The following CDC14A variants were observed in gnomAD, a reference collection of about 807,000 sequenced individuals.
CDC14A encodes the protein dual specificity protein phosphatase CDC14A.
In CDC14A, 53 loss-of-function variants were observed where a neutral mutation model predicts 74.4. That is an observed-to-expected ratio of 0.71 (90% CI 0.57 to 0.89). The LOEUF is 0.89. Ranked by LOEUF, CDC14A falls within the 40% of genes least tolerant of loss-of-function variation. CDC14A has a pLI of 0.00. For missense variants in CDC14A, 646 were observed against 713.7 expected, an observed-to-expected ratio of 0.91 and a Z score of 1.08; for synonymous variants, 247 against 258.4, an observed-to-expected ratio of 0.96 and a Z score of 0.43.
intron 7 of CDC14A, among the ~76,000 whole-genome samples, chr1:100,445,140 T>A (rs531746029): frequency 6.6e-6 from 1 of 152,336 alleles, no homozygotes; most frequent in South Asian, 2.1e-4. Context: ...ATGATTTCTA[T>A]AATGTTTGTT....
intron 4 of CDC14A, among the ~76,000 whole-genome samples, chr1:100,404,832 A>AAAAACAAAAC (rs368610741): frequency 6.6e-5 from 8 of 121,686 alleles, no homozygotes; most frequent in South Asian, 2.4e-4. Flanking sequence ...TCCGTCTCAA[A>AAAAACAAAAC]AAAACAAAAC....
intron 11 of CDC14A, among the ~76,000 whole-genome samples, chr1:100,489,564 C>T (rs1670405954): frequency 1.4e-5 from 2 of 143,196 alleles, no homozygotes; most frequent in African/African-American, 5.1e-5. Flanking sequence ...TTTGTTCTTT[C>T]ACTAGGTCAT....
At position 100,466,871 on chromosome 1, in the gene CDC14A, CAAA is replaced by C. The variant is rs11382441; in HGVS notation, c.839-1068_839-1066del. ...GGCAACAGCAGCAAAACTCGGTCTC[CAAA>C]AAAAAAAAAAAAAAAAGAAGGGTTA... On this transcript the variant is annotated intron_variant, in intron 9 of 15. Transcript: ENST00000336454. Among the ~76,000 whole-genome samples the C allele has an allele frequency of 1.3e-4, 11 of 87,296 alleles. No individual in the cohort carries two copies. The East Asian group carries it at 1.4e-3, about 11-fold the overall frequency. The allele number at this position is 87,296 out of a possible 152,430, so 57.3% of individuals were successfully genotyped here. A position where few individuals can be genotyped will look rare whatever the true frequency, so the allele number is the denominator to read the frequency against.
chr1:100,510,216 A>G (rs1289856951), intron 15 of CDC14A, among the ~76,000 whole-genome samples: 15 of 152,140 alleles, frequency 9.9e-5, no homozygotes, highest in Non-Finnish European at 8.8e-5. Flanking sequence ...TTTTCTAATC[A>G]TTGTCATCAT....
At chr1:100,351,591 C>T, upstream of CDC14A, 1 of 637,402 alleles carries the variant, frequency 1.6e-6, no homozygotes, top group Admixed American at 2.9e-5. Context: ...AACCTTCCTC[C>T]TTGGACCAGT....
intron 7 of CDC14A, among the ~76,000 whole-genome samples, 182 bp from the exon 8 acceptor site, chr1:100,455,223 C>T (rs906947579): frequency 3.9e-5 from 6 of 152,074 alleles, no homozygotes; most frequent in Non-Finnish European, 8.8e-5. Flanking sequence ...TTTTCTAAAG[C>T]GGATTGAATT....
chr1:100,504,414 C>G (rs1649054044), intron 15 of CDC14A, among the ~76,000 whole-genome samples: 1 of 152,094 alleles, frequency 6.6e-6, no homozygotes. Flanking sequence ...TGTCTCTTTC[C>G]ACCTTTAATT....
rs563965787 is a variant in CDC14A, at chr1:100,357,876, G to A, written c.140+4024G>A. Among the ~76,000 whole-genome samples the A allele has an allele frequency of 5.2e-3, 791 of 152,242 alleles. 6 individuals are homozygous for A. Among genetic ancestry groups the A allele is most frequent in the African/African-American group, 0.018 (758 of 41,520 alleles). On this transcript the variant is annotated intron_variant, in intron 2 of 15. Transcript: ENST00000336454. The stretch of plus-strand genomic sequence containing the variant: ...GATATTCTGGCCACAGCTGTGTTTT[G>A]CGCAGATGTTTCTTTAGTTATGAAA...
At chr1:100,422,788 ATTTATTT>A (rs908554667) in intron 4 of CDC14A, among the ~76,000 whole-genome samples, 15 of 152,126 alleles carry the variant, frequency 9.9e-5, no homozygotes, top group Non-Finnish European at 2.1e-4. Context: ...TTTTTAATCT[ATTTATTT>A]TATTTTTCTT....
At chr1:100,489,901 C>G (rs551284590) in intron 11 of CDC14A, among the ~76,000 whole-genome samples, 1 of 152,270 alleles carries the variant, frequency 6.6e-6, no homozygotes, top group South Asian at 2.1e-4. Context: ...AGAGTCTGCT[C>G]TGGCATTTTG....
intron 3 of CDC14A, 141 bp downstream of exon 3, chr1:100,377,762 T>G (rs906300042): frequency 4.6e-5 from 28 of 602,236 alleles, no homozygotes; most frequent in Admixed American, 4.4e-4. Flanking sequence ...ACCTAGAGTT[T>G]GAAAGTGATC....
In CDC14A at chr1:100,455,498, T is replaced by G. The variant is rs1328450165; in HGVS notation, c.607+6T>G. On this transcript the variant is annotated splice_donor_region_variant and intron_variant, in intron 8 of 15. Coordinates refer to ENST00000336454, the MANE Select transcript of CDC14A (RefSeq NM_003672.4). ...TAAAAGCAAAATTGAGAATGGTAGG[T>G]TTTTTTTTCCTTTACCATCCAAACA... The G allele has an allele frequency of 1.8e-5, 27 of 1,515,050 alleles. No individual in the cohort carries two copies. Among genetic ancestry groups the G allele is most frequent in the Non-Finnish European group, 2.3e-5 (26 of 1,111,158 alleles). 93.9% of individuals were successfully genotyped at this position (1,515,050 alleles called of 1,614,324 possible).
intron 7 of CDC14A, among the ~76,000 whole-genome samples, chr1:100,446,367 T>A (rs1665542260): frequency 1.3e-5 from 2 of 152,200 alleles, no homozygotes; most frequent in Admixed American, 1.3e-4. Context: ...TTATAAATGC[T>A]TCTAGTGATG....
chr1:100,435,350 A>G (rs189865791), intron 5 of CDC14A, among the ~76,000 whole-genome samples: 2 of 152,318 alleles, frequency 1.3e-5, no homozygotes, highest in African/African-American at 4.8e-5. Flanking sequence ...TGGGTTTAAA[A>G]TAAGTAAATC....
chr1:100,406,152 T>C (rs9727091), intron 4 of CDC14A, among the ~76,000 whole-genome samples: 53 of 152,360 alleles, frequency 3.5e-4, no homozygotes, highest in African/African-American at 1.2e-3. Flanking sequence ...TTTTTTCATA[T>C]GTTTGTTGGC....
At chr1:100,453,306 G>A (rs1363304944) in intron 7 of CDC14A, among the ~76,000 whole-genome samples, 4 of 152,104 alleles carry the variant, frequency 2.6e-5, no homozygotes, top group African/African-American at 4.8e-5. Context: ...ATTGCAGAGC[G>A]TATTTATCTA....
Position 100,484,982 on chromosome 1 carries a change from A to G in CDC14A, c.1137+531A>G, listed in dbSNP as rs115415648. On this transcript the variant is annotated intron_variant, in intron 11 of 15. Transcript: ENST00000336454. ...TGGTGAGTTAGGTAATACTATCTCT[A>G]TTTTATAGGAAGGAAATTGCATATC... is the stretch of plus-strand genomic sequence containing the variant. The G allele has an allele frequency of 1.4e-3, 1,397 of 980,046 alleles. 14 individuals carry two copies. The African/African-American group carries it at 0.023, about 16-fold the overall frequency. 60.7% of individuals were successfully genotyped at this position (980,046 alleles called of 1,614,324 possible).
intron 3 of CDC14A, among the ~76,000 whole-genome samples, chr1:100,387,868 C>T (rs969220817): frequency 1.5e-4 from 23 of 152,056 alleles, no homozygotes; most frequent in African/African-American, 5.3e-4. Flanking sequence ...TCCCCCCAAC[C>T]CCCTCCAAAA....
intron 5 of CDC14A, among the ~76,000 whole-genome samples, chr1:100,425,422 A>G (rs1024153187): frequency 1.3e-5 from 2 of 152,162 alleles, no homozygotes; most frequent in African/African-American, 4.8e-5. Context: ...AAACTCTCAG[A>G]GGGCAGGCCC....
Sources: gnomAD v4.1 joint callset for allele counts (sites outside exome capture counted in the v4.1 genomes callset) on GRCh38, gnomAD v4.1.1 for gene constraint, MANE v1.5 for transcripts, NCBI Gene and HGNC (gene_info 2026-07-23, HGNC 2026-07-21) for gene names.